DCC: variants seen among roughly 807,000 people sequenced by gnomAD.
DCC encodes netrin receptor DCC.
DCC carries 58 observed loss-of-function variants against 172.5 expected under a neutral mutation model. The ratio of observed to expected loss-of-function variants is 0.34; its 90% CI spans 0.27 to 0.42. The LOEUF (loss-of-function observed/expected upper bound fraction) is 0.42, where lower values mean the gene tolerates loss of function less well. Ranked by LOEUF, DCC falls within the 10% of genes least tolerant of loss-of-function variation. DCC has a pLI of 1.00. For missense variants in DCC, 1,740 were observed against 1,791.0 expected (o/e 0.97, Z 0.51); for synonymous variants, 709 against 644.5 (o/e 1.10, Z -1.52).
intron 1 of DCC, among the ~76,000 whole-genome samples, chr18:52,458,569 C>A (rs982851033): frequency 3.9e-5 from 6 of 152,172 alleles, no homozygotes; most frequent in Middle Eastern, 6.8e-3. Context: ...CTTTTCCTTC[C>A]CCCATCCTAC....
intron 1 of DCC, among the ~76,000 whole-genome samples, chr18:52,557,019 C>T (rs927953842): frequency 2.0e-5 from 3 of 152,092 alleles, no homozygotes; most frequent in Admixed American, 6.6e-5. Context: ...ATACGTAGCA[C>T]GGTAAGGATA....
chr18:53,450,180 T>C (rs546726987), intron 22 of DCC, among the ~76,000 whole-genome samples: 17 of 150,130 alleles, frequency 1.1e-4, no homozygotes, highest in South Asian at 2.1e-4. Flanking sequence ...CATACATACA[T>C]ACACACACAC....
intron 5 of DCC, among the ~76,000 whole-genome samples, chr18:52,983,439 G>A (rs759001928): frequency 1.6e-4 from 25 of 152,238 alleles, no homozygotes; most frequent in Non-Finnish European, 2.9e-4. Context: ...AAAATGGGCA[G>A]TGACATTTTT....
intron 1 of DCC, among the ~76,000 whole-genome samples, chr18:52,650,153 G>A (rs1229011696): frequency 6.6e-6 from 1 of 151,738 alleles, no homozygotes; most frequent in Non-Finnish European, 1.5e-5. Flanking sequence ...TAATTTTTGT[G>A]TTTTGAGTAG....
chr18:53,311,402 C>G (rs1335345445), intron 13 of DCC, among the ~76,000 whole-genome samples: 1 of 152,122 alleles, frequency 6.6e-6, no homozygotes, highest in African/African-American at 2.4e-5. Flanking sequence ...AGATTACAGG[C>G]GTGAGCCACC....
Position 53,361,737 on chromosome 18 carries a change from A to C in DCC, c.2359+21830A>C, listed in dbSNP as rs1284760297. On this transcript the variant is annotated intron_variant, in intron 15 of 28. Transcript: ENST00000442544. ...GGCAAGGTTTTTGCTTTCCAGAAAG[A>C]AGCAGAAAATAAATGTGAATGGAAT... Among the ~76,000 whole-genome samples, 8 of 152,212 alleles carry C rather than the reference A, an allele frequency of 5.3e-5. 1 individual carries two copies. The highest frequency in any genetic ancestry group is 1.9e-4 in the African/African-American group (8 of 41,456).
intron 2 of DCC, among the ~76,000 whole-genome samples, chr18:52,828,574 T>C (rs1379905253): frequency 6.6e-6 from 1 of 152,130 alleles, no homozygotes; most frequent in African/African-American, 2.4e-5. Flanking sequence ...AATAGTTTGA[T>C]AGTCTTTGTT....
chr18:52,548,414 A>C (rs1252259722), intron 1 of DCC, among the ~76,000 whole-genome samples: 2 of 152,114 alleles, frequency 1.3e-5, no homozygotes, highest in Non-Finnish European at 2.9e-5. Flanking sequence ...GAAGACTTTC[A>C]AGGCTAAAAC....
At chr18:53,136,957 C>T (rs1302866726) in intron 7 of DCC, among the ~76,000 whole-genome samples, 1 of 152,146 alleles carries the variant, frequency 6.6e-6, no homozygotes, top group African/African-American at 2.4e-5. Flanking sequence ...TATTGAATGT[C>T]CAGGCCCTAA....
At chr18:52,610,479 T>C (rs1421269549) in intron 1 of DCC, among the ~76,000 whole-genome samples, 1 of 146,610 alleles carries the variant, frequency 6.8e-6, no homozygotes, top group African/African-American at 2.5e-5. Context: ...GGAGAGTTGG[T>C]GTATACTGGG....
chr18:52,566,372 T>A (rs1421295423), intron 1 of DCC, among the ~76,000 whole-genome samples: 2 of 151,420 alleles, frequency 1.3e-5, no homozygotes, highest in Non-Finnish European at 2.9e-5. Context: ...CTATCAGGGG[T>A]TGGGAGGCTA....
chr18:52,351,795 C>A (rs1984133390), intron 1 of DCC, among the ~76,000 whole-genome samples: 1 of 152,036 alleles, frequency 6.6e-6, no homozygotes, highest in Admixed American at 6.6e-5. Context: ...TGCATTTTGT[C>A]CCTATTACTA....
intron 1 of DCC, among the ~76,000 whole-genome samples, chr18:52,350,034 T>C (rs1430276702): frequency 6.6e-6 from 1 of 152,166 alleles, no homozygotes; most frequent in Non-Finnish European, 1.5e-5. Context: ...GTGTTATCAG[T>C]TTTCAGGAAG....
At chr18:53,047,432 T>TATATATAC (rs1184397903) in intron 5 of DCC, among the ~76,000 whole-genome samples, 1 of 72,610 alleles carries the variant, frequency 1.4e-5, no homozygotes, top group Non-Finnish European at 2.4e-5. Flanking sequence ...ATTTTACATA[T>TATATATAC]ATATATATAT....
chr18:52,743,256 T>A (rs557365113), intron 1 of DCC, among the ~76,000 whole-genome samples: 1 of 152,180 alleles, frequency 6.6e-6, no homozygotes, highest in Non-Finnish European at 1.5e-5. Flanking sequence ...ATTTATAAAA[T>A]GCCATCCCTC....
intron 2 of DCC, among the ~76,000 whole-genome samples, chr18:52,815,893 T>G (rs1424364177): frequency 2.0e-5 from 3 of 152,190 alleles, no homozygotes; most frequent in African/African-American, 7.2e-5. Context: ...TGACAGAATG[T>G]GTCCAAAGGC....
intron 1 of DCC, among the ~76,000 whole-genome samples, chr18:52,407,296 A>T (rs937265395): frequency 2.6e-5 from 4 of 152,090 alleles, no homozygotes; most frequent in Admixed American, 2.6e-4. Context: ...CTCCTGAGGT[A>T]AATATGAGAT....
Position 53,150,974 on chromosome 18 carries a change from A to C in DCC, c.1262-6382A>C, listed in dbSNP as rs183097325. On this transcript the variant is annotated intron_variant, in intron 7 of 28. Coordinates refer to ENST00000442544, the MANE Select transcript of DCC (RefSeq NM_005215.4). ...GCTGATATGGAAGGAGTAATGTTGGAGGTGGCAGCAAATGCATCCTGGAGG... is the reference window on the plus strand; with the variant it reads ...GCTGATATGGAAGGAGTAATGTTGGCGGTGGCAGCAAATGCATCCTGGAGG... Among the ~76,000 whole-genome samples the C allele has an allele frequency of 5.6e-3, 858 of 152,268 alleles. 6 individuals carry two copies. The highest frequency in any genetic ancestry group is 0.023 in the Admixed American group (353 of 15,300).
At chr18:52,721,895 G>A (rs942438569) in intron 1 of DCC, among the ~76,000 whole-genome samples, 1 of 152,070 alleles carries the variant, frequency 6.6e-6, no homozygotes, top group Non-Finnish European at 1.5e-5. Context: ...CATGGTGGCA[G>A]GCACCTGAAT....
Sources: gnomAD v4.1 joint callset for allele counts (sites outside exome capture counted in the v4.1 genomes callset) on GRCh38, gnomAD v4.1.1 for gene constraint, MANE v1.5 for transcripts, NCBI Gene and HGNC (gene_info 2026-07-23, HGNC 2026-07-21) for gene names.